SPINK13: variants seen among roughly 807,000 people sequenced by gnomAD.
SPINK13 encodes serine protease inhibitor Kazal-type 13.
In SPINK13, 11 loss-of-function variants were observed where a neutral mutation model predicts 11.0. The observed-to-expected ratio is 1.00, with a 90% CI of 0.63 to 1.65. The LOEUF (loss-of-function observed/expected upper bound fraction) is 1.65. SPINK13 is among the 40% of genes most tolerant of loss of function. SPINK13 has a pLI of 0.00. For synonymous variants in SPINK13, 31 were observed against 35.6 expected, an observed-to-expected ratio of 0.87 and a Z score of 0.46; for missense variants, 113 against 117.7, an observed-to-expected ratio of 0.96 and a Z score of 0.19.
chr5:148,283,240 G>A (rs1009127459), intron 4 of SPINK13, among the ~76,000 whole-genome samples: 9 of 152,114 alleles, frequency 5.9e-5, no homozygotes, highest in African/African-American at 1.7e-4. Flanking sequence ...TACCTACATG[G>A]CTGATCTTAA....
intron 4 of SPINK13, among the ~76,000 whole-genome samples, chr5:148,285,770 C>T (rs952715553): frequency 6.6e-6 from 1 of 151,534 alleles, no homozygotes; most frequent in African/African-American, 2.4e-5. Context: ...GGATGAAAAA[C>T]TCTACATAAA....
At chr5:148,278,482 T>A (rs6861777) in intron 3 of SPINK13, among the ~76,000 whole-genome samples, 14,702 of 152,218 alleles carry the variant, frequency 0.097, 1,901 homozygotes, top group African/African-American at 0.28. Context: ...TTTGTTCTCA[T>A]CAGTTTCAAA....
Position 148,286,033 on chromosome 5 carries a change from T to C in SPINK13, c.270T>C (p.Tyr90=), listed in dbSNP as rs1395414222. The C allele has an allele frequency of 1.4e-6, 2 of 1,464,164 alleles. No individual in the cohort carries two copies. The highest frequency in any genetic ancestry group is 9.3e-7 in the Non-Finnish European group (1 of 1,069,696). The allele number at this position is 1,464,164 out of a possible 1,614,324, so 90.7% of individuals were successfully genotyped here. Residue 90 remains tyrosine, a synonymous_variant, in exon 5 of 5, where the codon TAT becomes TAC. Transcript: ENST00000398450. The part of the protein sequence containing the change: ...EFHYRIKFEK[Y]GKCD ...ATTATCGTATAAAATTTGAAAAATA[T>C]GGAAAATGTGATTAATGGGTACCAG...
chr5:148,269,738 C>T (rs1756318383), intron 1 of SPINK13, among the ~76,000 whole-genome samples: 1 of 152,078 alleles, frequency 6.6e-6, no homozygotes, highest in Non-Finnish European at 1.5e-5. Context: ...GTAGGGTGAA[C>T]CTATGTATAG....
intron 4 of SPINK13, 100 bp from the exon 5 acceptor site, chr5:148,285,900 C>T (rs1324795007): frequency 1.5e-5 from 9 of 608,582 alleles, no homozygotes; most frequent in Non-Finnish European, 2.2e-5. Context: ...AAAAGCAGCT[C>T]CCTTTTCAGG....
chr5:148,286,119 T>C lies in SPINK13; in HGVS notation c.*71T>C. ...TCAGAATAGTATTTCTTTTAGAGTG[T>C]GAGAATGTAAATTAAATAACATCCC... On this transcript the variant is annotated 3_prime_UTR_variant, in exon 5 of 5. Transcript: ENST00000398450. 9.7e-7 allele frequency: 1 copy of C among 1,035,344 alleles called. No homozygotes were observed. Among genetic ancestry groups the C allele is most frequent in the Non-Finnish European group, 1.4e-6 (1 of 735,496 alleles). 64.1% of individuals were successfully genotyped at this position (1,035,344 alleles called of 1,614,324 possible).
chr5:148,283,151 A>T (rs1756542614), intron 4 of SPINK13, among the ~76,000 whole-genome samples: 1 of 152,114 alleles, frequency 6.6e-6, no homozygotes, highest in Admixed American at 6.6e-5. Context: ...AACACACATG[A>T]AGTATTGCTT....
rs766400760 is a variant in SPINK13, at chr5:148,286,243, G to C, written c.*195G>C. Reference sequence around the variant, plus strand: ...CATTTGTTACAAATAAACAACAAAAGAGCTGATATTCATTTCTGTGTATTG... The same window carrying C: ...CATTTGTTACAAATAAACAACAAAACAGCTGATATTCATTTCTGTGTATTG... On this transcript the variant is annotated 3_prime_UTR_variant, in exon 5 of 5. Coordinates refer to ENST00000398450, the MANE Select transcript of SPINK13 (RefSeq NM_001040129.3). 9 of 339,144 alleles carry C rather than the reference G, an allele frequency of 2.7e-5. No individual in the cohort carries two copies. Among genetic ancestry groups the C allele is most frequent in the Non-Finnish European group, 4.8e-5 (9 of 186,616 alleles). 21.0% of individuals were successfully genotyped at this position (339,144 alleles called of 1,614,324 possible).
chr5:148,274,551 C>T (rs537939021), intron 3 of SPINK13, among the ~76,000 whole-genome samples, 167 bp downstream of exon 3: 2 of 152,186 alleles, frequency 1.3e-5, no homozygotes, highest in East Asian at 1.9e-4. Flanking sequence ...AGTTCAAGGT[C>T]GGCCTGAGCA....
chr5:148,279,798 C>A (rs1432841423), intron 3 of SPINK13, among the ~76,000 whole-genome samples: 1 of 152,116 alleles, frequency 6.6e-6, no homozygotes, highest in African/African-American at 2.4e-5. Flanking sequence ...GTGGTGTTCT[C>A]TGTTTATCCC....
At chr5:148,282,355 T>G (rs1235068555) in intron 4 of SPINK13, 124 bp downstream of exon 4, 6 of 1,180,820 alleles carry the variant, frequency 5.1e-6, no homozygotes, top group Non-Finnish European at 7.0e-6. Flanking sequence ...GCCTCATTAT[T>G]TACAAAAACT....
chr5:148,270,805 A>C (rs1305424702), intron 2 of SPINK13: 1 of 152,320 alleles, frequency 6.6e-6, no homozygotes, highest in Non-Finnish European at 1.5e-5. Flanking sequence ...AGAGGGAGGC[A>C]GGAGGGCCCA....
intron 4 of SPINK13, among the ~76,000 whole-genome samples, chr5:148,285,641 G>A (rs1177102230): frequency 1.3e-5 from 2 of 152,100 alleles, no homozygotes; most frequent in African/African-American, 4.8e-5. Context: ...TTTGAGCACA[G>A]AGCAAATTGC....
intron 3 of SPINK13, among the ~76,000 whole-genome samples, chr5:148,278,651 C>T (rs1030845596): frequency 6.6e-6 from 1 of 152,102 alleles, no homozygotes; most frequent in African/African-American, 2.4e-5. Flanking sequence ...GTTATGATTC[C>T]CGTTCTTTTG....
chr5:148,281,281 AG>A (rs1344535711), intron 3 of SPINK13, among the ~76,000 whole-genome samples: 1 of 151,952 alleles, frequency 6.6e-6, no homozygotes, highest in East Asian at 1.9e-4. Flanking sequence ...CCCCCTTTCC[AG>A]GTGAGTGAAC....
At chr5:148,276,838 T>C (rs189000534) in intron 3 of SPINK13, among the ~76,000 whole-genome samples, 3 of 152,358 alleles carry the variant, frequency 2.0e-5, no homozygotes, top group Non-Finnish European at 4.4e-5. Context: ...TTGATGGGAA[T>C]AGCATTGAAT....
At chr5:148,275,675 T>A (rs1451685170) in intron 3 of SPINK13, among the ~76,000 whole-genome samples, 1 of 151,780 alleles carries the variant, frequency 6.6e-6, no homozygotes, top group Non-Finnish European at 1.5e-5. Flanking sequence ...TCTTTTTTTT[T>A]TTTTTGACGG....
chr5:148,270,048 A>G lies in SPINK13; in HGVS notation c.-25A>G. ...CTTGGGCATGTTCACAGGCCTTATC[A>G]AAGAAGAGTCTTATATGAGATCAAA... On this transcript the variant is annotated 5_prime_UTR_variant, in exon 2 of 5. Transcript: ENST00000398450. 1 of 1,612,642 alleles carries G rather than the reference A, an allele frequency of 6.2e-7. No homozygotes were observed. Among genetic ancestry groups the G allele is most frequent in the South Asian group, 1.1e-5 (1 of 90,888 alleles).
At chr5:148,284,295 A>ATTCC (rs541847705) in intron 4 of SPINK13, among the ~76,000 whole-genome samples, 106 of 143,728 alleles carry the variant, frequency 7.4e-4, no homozygotes, top group Middle Eastern at 3.7e-3. Context: ...TGGTGTAGTA[A>ATTCC]TTCCTTCCTT....
Sources: allele counts gnomAD v4.1 joint callset (sites outside exome capture counted in the v4.1 genomes callset), GRCh38; gene constraint gnomAD v4.1.1; transcripts MANE v1.5; gene names NCBI Gene and HGNC (gene_info 2026-07-23, HGNC 2026-07-21).